Variants in KAZN observed in about 807,000 individuals in gnomAD.
KAZN encodes the protein kazrin, periplakin interacting protein.
Under a neutral mutation model 87.4 loss-of-function variants are expected in KAZN, and 40 were observed. That is an observed-to-expected ratio of 0.46 (90% CI 0.36 to 0.60). The LOEUF is 0.60. KAZN is among the 20% of genes least tolerant of loss of function. The pLI is 0.00. For missense variants in KAZN, 898 were observed against 1,073.9 expected, an observed-to-expected ratio of 0.84 and a Z score of 2.29; for synonymous variants, 466 against 458.3, an observed-to-expected ratio of 1.02 and a Z score of -0.22.
intron 1 of KAZN, among the ~76,000 whole-genome samples, chr1:14,792,598 G>A (rs544336748): frequency 4.3e-4 from 65 of 152,238 alleles, no homozygotes; most frequent in African/African-American, 1.5e-3. Context: ...TGCAGGAAAT[G>A]GGAGAGGGTG....
intron 2 of KAZN, among the ~76,000 whole-genome samples, chr1:14,467,562 C>T (rs1668232260): frequency 6.7e-6 from 1 of 150,328 alleles, no homozygotes; most frequent in Non-Finnish European, 1.5e-5. Flanking sequence ...TTTTAAACGA[C>T]CCAATTATAT....
chr1:14,633,177 A>G (rs920989977), intron 1 of KAZN, among the ~76,000 whole-genome samples: 3 of 152,124 alleles, frequency 2.0e-5, no homozygotes, highest in African/African-American at 7.2e-5. Flanking sequence ...TCGGCCTCCC[A>G]TAGTGCTGGG....
chr1:14,079,684 C>T (rs188249073), intron 1 of KAZN, among the ~76,000 whole-genome samples: 82 of 152,270 alleles, frequency 5.4e-4, no homozygotes, highest in Admixed American at 4.7e-3. Flanking sequence ...CAAACTATTT[C>T]GTGGGAAAGT....
At chr1:14,164,141 C>T (rs1186407299) in intron 1 of KAZN, among the ~76,000 whole-genome samples, 1 of 152,172 alleles carries the variant, frequency 6.6e-6, no homozygotes, top group East Asian at 1.9e-4. Flanking sequence ...ACCTCCAATG[C>T]CTTTGGGTTA....
intron 2 of KAZN, among the ~76,000 whole-genome samples, chr1:14,295,687 C>T (rs553718264): frequency 3.9e-5 from 6 of 152,184 alleles, no homozygotes; most frequent in Non-Finnish European, 7.3e-5. Context: ...CACACACACA[C>T]ATGCGCAGAT....
chr1:14,349,607 CTT>C (rs1658371793), intron 2 of KAZN, among the ~76,000 whole-genome samples: 1 of 152,120 alleles, frequency 6.6e-6, no homozygotes, highest in South Asian at 2.1e-4. Flanking sequence ...ACTGAGCCCA[CTT>C]TGTTTGTTAA....
At chr1:14,808,000 T>G (rs1331792188) in intron 1 of KAZN, among the ~76,000 whole-genome samples, 1 of 152,178 alleles carries the variant, frequency 6.6e-6, no homozygotes, top group Non-Finnish European at 1.5e-5. Flanking sequence ...AAGGAAGGAC[T>G]GGCTCCATTG....
At chr1:14,376,189 A>G (rs1399434576) in intron 2 of KAZN, among the ~76,000 whole-genome samples, 1 of 152,194 alleles carries the variant, frequency 6.6e-6, no homozygotes, top group Non-Finnish European at 1.5e-5. Flanking sequence ...GTATGCATTT[A>G]GCCCCCAAAT....
chr1:14,141,206 C>T (rs1002202123), intron 1 of KAZN, among the ~76,000 whole-genome samples: 4 of 146,914 alleles, frequency 2.7e-5, no homozygotes, highest in Non-Finnish European at 5.9e-5. Context: ...TTTGAATCTT[C>T]TCCATGACAC....
chr1:14,376,802 A>G (rs1556083), intron 2 of KAZN, among the ~76,000 whole-genome samples: 134,667 of 152,236 alleles, frequency 0.88, 59,713 homozygotes, highest in Middle Eastern at 0.93. Context: ...TCAATAAAAG[A>G]AGACAAGCAG....
intron 1 of KAZN, among the ~76,000 whole-genome samples, chr1:14,617,176 G>A (rs1049177750): frequency 6.6e-5 from 10 of 152,122 alleles, no homozygotes; most frequent in Non-Finnish European, 1.5e-4. Context: ...TATGTTATGC[G>A]GCTGTTCTAT....
intron 2 of KAZN, among the ~76,000 whole-genome samples, chr1:15,024,892 C>G (rs551568173): frequency 1.6e-4 from 25 of 152,298 alleles, no homozygotes; most frequent in African/African-American, 5.8e-4. Flanking sequence ...TCCGAGATCA[C>G]CAGGACTGAT....
At chr1:14,134,426 G>C (rs541613306) in intron 1 of KAZN, among the ~76,000 whole-genome samples, 1 of 152,258 alleles carries the variant, frequency 6.6e-6, no homozygotes, top group East Asian at 1.9e-4. Flanking sequence ...GTTTCATCTT[G>C]ATGACTCTAT....
intron 2 of KAZN, among the ~76,000 whole-genome samples, chr1:14,315,897 A>G (rs888295703): frequency 2.7e-5 from 4 of 148,626 alleles, no homozygotes; most frequent in Non-Finnish European, 6.0e-5. Flanking sequence ...TTTTTTTTTT[A>G]TATTTTGGGG....
chr1:14,214,328 A>T (rs1463759522), intron 2 of KAZN, among the ~76,000 whole-genome samples: 6 of 152,146 alleles, frequency 3.9e-5, no homozygotes, highest in Admixed American at 1.3e-4. Flanking sequence ...TCAAGGCAAG[A>T]TTATGCCAGT....
At chr1:14,712,995 A>C (rs1642568975) in intron 1 of KAZN, among the ~76,000 whole-genome samples, 1 of 152,146 alleles carries the variant, frequency 6.6e-6, no homozygotes, top group African/African-American at 2.4e-5. Flanking sequence ...ACTGCTGTGT[A>C]ACAAACAACC....
chr1:14,018,221 C>T (rs1640659636), intron 1 of KAZN, among the ~76,000 whole-genome samples: 1 of 152,132 alleles, frequency 6.6e-6, no homozygotes, highest in Non-Finnish European at 1.5e-5. Context: ...ACTGCCTTTA[C>T]ACTCAGTTTT....
intron 1 of KAZN, among the ~76,000 whole-genome samples, chr1:14,119,661 A>T (rs1644708658): frequency 6.6e-6 from 1 of 152,192 alleles, no homozygotes; most frequent in African/African-American, 2.4e-5. Context: ...GAGAGAGTCC[A>T]ACCCAGTGTG....
intron 2 of KAZN, among the ~76,000 whole-genome samples, chr1:14,566,801 C>A (rs1674575072): frequency 6.6e-6 from 1 of 152,246 alleles, no homozygotes; most frequent in African/African-American, 2.4e-5. Context: ...TTTTCTTCTG[C>A]AGCTTCCTCC....
Sources: gnomAD v4.1 joint callset for allele counts (sites outside exome capture counted in the v4.1 genomes callset) on GRCh38, gnomAD v4.1.1 for gene constraint, MANE v1.5 for transcripts, NCBI Gene and HGNC (gene_info 2026-07-23, HGNC 2026-07-21) for gene names.